XRCC4: variants seen among roughly 807,000 people sequenced by gnomAD.
XRCC4 encodes the protein DNA repair protein XRCC4.
XRCC4 carries 28 observed loss-of-function variants against 39.1 expected under a neutral mutation model. The ratio of observed to expected loss-of-function variants is 0.72; its 90% CI spans 0.53 to 0.98. XRCC4 has a LOEUF of 0.98. Among genes scored for constraint, XRCC4 ranks in the 50% least tolerant of loss-of-function variants. The probability of loss-of-function intolerance (pLI) is 0.00; values close to 1 mark genes in which losing one functional copy is unlikely to be tolerated. For synonymous variants in XRCC4, 123 were observed against 126.4 expected (o/e 0.97, Z 0.18); for missense variants, 350 against 376.4 (o/e 0.93, Z 0.58).
intron 6 of XRCC4, among the ~76,000 whole-genome samples, chr5:83,239,683 G>A (rs1438199346): frequency 6.6e-6 from 1 of 151,920 alleles, no homozygotes; most frequent in Non-Finnish European, 1.5e-5. Context: ...CAAAAAATTA[G>A]CCGGGCATGG....
chr5:83,320,485 C>T (rs1002022698), intron 7 of XRCC4, among the ~76,000 whole-genome samples: 1 of 151,594 alleles, frequency 6.6e-6, no homozygotes, highest in Non-Finnish European at 1.5e-5. Context: ...AAACTTAGTT[C>T]ATAAAGCAGA....
intron 3 of XRCC4, among the ~76,000 whole-genome samples, chr5:83,116,606 CTCTTTT>C (rs1746721968): frequency 8.0e-6 from 1 of 124,746 alleles, no homozygotes. Context: ...GTTTCTCTCT[CTCTTTT>C]TTTTTTTTTT....
chr5:83,091,153 A>G (rs939698931), intron 1 of XRCC4, among the ~76,000 whole-genome samples: 1 of 152,200 alleles, frequency 6.6e-6, no homozygotes, highest in African/African-American at 2.4e-5. Context: ...CTGTTGTGTT[A>G]GCCTGTTTTC....
At chr5:83,164,318 G>T (rs1283489380) in intron 3 of XRCC4, among the ~76,000 whole-genome samples, 2 of 152,026 alleles carry the variant, frequency 1.3e-5, no homozygotes, top group Non-Finnish European at 2.9e-5. Flanking sequence ...TTTTTGTTAT[G>T]CATCTTTTAA....
intron 4 of XRCC4, among the ~76,000 whole-genome samples, chr5:83,200,563 T>C (rs923161569): frequency 2.6e-5 from 4 of 151,566 alleles, no homozygotes; most frequent in African/African-American, 9.7e-5. Context: ...TCATACCAAA[T>C]GTTAATTTTA....
At chr5:83,318,223 CTA>C (rs1755944330) in intron 7 of XRCC4, among the ~76,000 whole-genome samples, 1 of 136,226 alleles carries the variant, frequency 7.3e-6, no homozygotes. Context: ...TAAGAGCTAT[CTA>C]TGACAAACCC....
At chr5:83,159,976 G>A (rs1416297750) in intron 3 of XRCC4, among the ~76,000 whole-genome samples, 1 of 152,104 alleles carries the variant, frequency 6.6e-6, no homozygotes, top group Non-Finnish European at 1.5e-5. Flanking sequence ...TTATGTTAGT[G>A]AATGTTGTCA....
intron 7 of XRCC4, among the ~76,000 whole-genome samples, chr5:83,263,279 A>G (rs1333327939): frequency 2.0e-5 from 3 of 151,874 alleles, no homozygotes; most frequent in Non-Finnish European, 2.9e-5. Context: ...AGTCTTTGCT[A>G]TTGTGAACAA....
At chr5:83,273,861 G>C (rs369296546) in intron 7 of XRCC4, among the ~76,000 whole-genome samples, 1 of 151,906 alleles carries the variant, frequency 6.6e-6, no homozygotes, top group African/African-American at 2.4e-5. Flanking sequence ...GGTGCCACTA[G>C]CCTTGTTCTT....
chr5:83,200,770 C>T (rs545534245), intron 4 of XRCC4, among the ~76,000 whole-genome samples: 190 of 152,100 alleles, frequency 1.2e-3, no homozygotes, highest in Middle Eastern at 0.011. Context: ...TTTTACTTTG[C>T]ATATGTTTGA....
At chr5:83,220,815 T>C (rs1206130183) in intron 6 of XRCC4, among the ~76,000 whole-genome samples, 1 of 152,154 alleles carries the variant, frequency 6.6e-6, no homozygotes, top group African/African-American at 2.4e-5. Flanking sequence ...CACATTGCTT[T>C]TCGAGCTATA....
intron 1 of XRCC4, among the ~76,000 whole-genome samples, chr5:83,103,733 A>G (rs552167207): frequency 7.9e-5 from 12 of 152,344 alleles, no homozygotes; most frequent in Admixed American, 1.3e-4. Flanking sequence ...AAAATCATCT[A>G]TCACTTTAAC....
chr5:83,277,987 T>G (rs966461313), intron 7 of XRCC4, among the ~76,000 whole-genome samples: 2 of 152,160 alleles, frequency 1.3e-5, no homozygotes, highest in Non-Finnish European at 2.9e-5. Flanking sequence ...TAAAGAAAAA[T>G]ACATCATTTT....
chr5:83,253,290 G>A (rs1447418728), intron 6 of XRCC4, among the ~76,000 whole-genome samples: 1 of 152,200 alleles, frequency 6.6e-6, no homozygotes, highest in South Asian at 2.1e-4. Flanking sequence ...TGAACGCAGG[G>A]CTAAGATCTT....
intron 7 of XRCC4, among the ~76,000 whole-genome samples, chr5:83,334,679 A>G (rs1000810741): frequency 3.3e-5 from 5 of 151,654 alleles, no homozygotes; most frequent in African/African-American, 1.2e-4. Context: ...GTGTGCATAT[A>G]TATATATATA....
intron 3 of XRCC4, among the ~76,000 whole-genome samples, chr5:83,126,882 C>T (rs994990156): frequency 5.3e-5 from 8 of 152,304 alleles, no homozygotes; most frequent in Admixed American, 2.6e-4. Flanking sequence ...TATGGTCTAA[C>T]ATTGTATGCC....
chr5:83,189,619 A>G (rs1395622954), intron 3 of XRCC4, among the ~76,000 whole-genome samples: 1 of 152,198 alleles, frequency 6.6e-6, no homozygotes, highest in East Asian at 1.9e-4. Flanking sequence ...TTTTGCAAAT[A>G]TAGTTTTCTT....
intron 7 of XRCC4, among the ~76,000 whole-genome samples, chr5:83,303,874 G>A (rs1755384583): frequency 6.6e-6 from 1 of 152,104 alleles, no homozygotes; most frequent in South Asian, 2.1e-4. Context: ...TAGATGCATG[G>A]CAAATAAGGG....
the XRCC4 span, among the ~76,000 whole-genome samples, chr5:83,363,672 G>A: frequency 6.6e-6 from 1 of 152,322 alleles, no homozygotes; most frequent in South Asian, 2.1e-4. Context: ...CCACAACCAA[G>A]AGAGACTCTT....
Sources: allele counts gnomAD v4.1 joint callset (sites outside exome capture counted in the v4.1 genomes callset), GRCh38; gene constraint gnomAD v4.1.1; transcripts MANE v1.5; gene names NCBI Gene and HGNC (gene_info 2026-07-23, HGNC 2026-07-21).